Variants in LINGO2 observed in about 807,000 individuals in gnomAD.
The protein encoded by LINGO2 is leucine-rich repeat and immunoglobulin-like domain-containing nogo receptor-interacting protein 2.
In LINGO2, 14 loss-of-function variants were observed where a neutral mutation model predicts 30.6. The observed-to-expected ratio is 0.46, with a 90% CI of 0.30 to 0.72. LINGO2 has a LOEUF of 0.72. LINGO2 is among the 30% of genes least tolerant of loss of function. The pLI, the probability that LINGO2 is intolerant of heterozygous loss-of-function variation, is 0.07. For synonymous variants in LINGO2, 317 were observed against 288.5 expected (o/e 1.10, Z -1.00); for missense variants, 729 against 751.7 (o/e 0.97, Z 0.35).
At position 28,600,971 on chromosome 9, in the gene LINGO2, T is replaced by TA. The variant is rs548111814; in HGVS notation, c.-365+69228dup. ...AAGAGAAAAAAATTGAGAACAAAAA[T>TA]AAAAATTAATATGTTTTGCTCCAAA... On this transcript the variant is annotated intron_variant, in intron 1 of 5. Coordinates refer to ENST00000379992, the Ensembl canonical transcript of LINGO2. Among the ~76,000 whole-genome samples, 15 of 152,160 alleles carry TA rather than the reference T, an allele frequency of 9.9e-5. No individual in the cohort carries two copies. The South Asian group carries it at 2.5e-3, about 25-fold the overall frequency.
At chr9:28,858,079 C>A in the LINGO2 span, among the ~76,000 whole-genome samples, 4 of 152,000 alleles carry the variant, frequency 2.6e-5, no homozygotes, top group Non-Finnish European at 5.9e-5. Context: ...ACATTCAGGA[C>A]TGAGCTCCAG....
intron 1 of LINGO2, among the ~76,000 whole-genome samples, chr9:28,569,674 T>C (rs1823575264): frequency 6.6e-6 from 1 of 151,886 alleles, no homozygotes; most frequent in Non-Finnish European, 1.5e-5. Flanking sequence ...AACTTTCAGT[T>C]ACGAAATGAA....
chr9:29,189,397 G>T, the LINGO2 span, among the ~76,000 whole-genome samples: 1 of 148,874 alleles, frequency 6.7e-6, no homozygotes, highest in Admixed American at 6.7e-5. Flanking sequence ...CGGGCAGAGG[G>T]TCTCCTCACT....
the LINGO2 span, among the ~76,000 whole-genome samples, chr9:29,023,407 T>C: frequency 2.0e-5 from 3 of 152,116 alleles, no homozygotes; most frequent in Admixed American, 6.6e-5. Flanking sequence ...ATTTCAATAA[T>C]GAGTACCTGC....
At chr9:28,982,833 C>T in the LINGO2 span, among the ~76,000 whole-genome samples, 2 of 151,864 alleles carry the variant, frequency 1.3e-5, no homozygotes, top group African/African-American at 4.8e-5. Context: ...CTTGCAGATA[C>T]CACCAATAAT....
At chr9:28,896,744 T>C in the LINGO2 span, among the ~76,000 whole-genome samples, 1 of 152,152 alleles carries the variant, frequency 6.6e-6, no homozygotes, top group East Asian at 1.9e-4. Context: ...CTCATATGTA[T>C]TCATATGATA....
the LINGO2 span, among the ~76,000 whole-genome samples, chr9:28,833,376 T>C: frequency 2.0e-5 from 3 of 152,188 alleles, no homozygotes; most frequent in African/African-American, 7.2e-5. Flanking sequence ...GGACAGTCTA[T>C]AGAAAATCAT....
At chr9:28,238,887 C>T (rs1371613925) in intron 4 of LINGO2, among the ~76,000 whole-genome samples, 1 of 151,456 alleles carries the variant, frequency 6.6e-6, no homozygotes, top group African/African-American at 2.4e-5. Flanking sequence ...ATTAACAAAC[C>T]TTTAGCCAGA....
chr9:28,378,839 C>G (rs1821229679), intron 2 of LINGO2, among the ~76,000 whole-genome samples: 1 of 152,136 alleles, frequency 6.6e-6, no homozygotes, highest in Non-Finnish European at 1.5e-5. Context: ...GGCAAGAATG[C>G]ACCTCAGTTT....
chr9:28,285,439 T>C (rs1823473199), intron 4 of LINGO2, among the ~76,000 whole-genome samples: 1 of 117,688 alleles, frequency 8.5e-6, no homozygotes, highest in Non-Finnish European at 1.6e-5. Context: ...TGAGTCTCAC[T>C]CTGTCTCCCA....
At chr9:28,657,380 C>T (rs1034981259) in intron 1 of LINGO2, among the ~76,000 whole-genome samples, 2 of 151,902 alleles carry the variant, frequency 1.3e-5, no homozygotes, top group Admixed American at 1.3e-4. Context: ...CTACTCCGGG[C>T]TTTTTTATTT....
At chr9:28,489,433 G>A (rs78865916) in intron 1 of LINGO2, among the ~76,000 whole-genome samples, 32 of 152,114 alleles carry the variant, frequency 2.1e-4, no homozygotes, top group Non-Finnish European at 2.9e-5. Flanking sequence ...GCCTCTCGAA[G>A]CATTGGGATT....
chr9:28,995,385 G>A, the LINGO2 span, among the ~76,000 whole-genome samples: 2 of 152,218 alleles, frequency 1.3e-5, no homozygotes, highest in African/African-American at 4.8e-5. Flanking sequence ...TGCTGGAGAG[G>A]ATGTGGAGAA....
At position 28,633,822 on chromosome 9, in the gene LINGO2, T is replaced by C. The variant is rs150882739; in HGVS notation, c.-365+36378A>G. Among the ~76,000 whole-genome samples, 409 of 152,344 alleles carry C rather than the reference T, an allele frequency of 2.7e-3. 3 individuals carry two copies. Among genetic ancestry groups the C allele is most frequent in the South Asian group, 0.011 (55 of 4,834 alleles). ...CCAGGCAGCTGACAGCCCCAAAGCC[T>C]GGAACACAATGCGTAGTCAATGAAT... On this transcript the variant is annotated intron_variant, in intron 1 of 5. Transcript: ENST00000379992.
the LINGO2 span, chr9:28,888,772 G>A: frequency 2.1e-6 from 1 of 466,412 alleles, no homozygotes; most frequent in Non-Finnish European, 4.5e-6. Context: ...TTACTTCCTT[G>A]TTTAGAACTT....
At chr9:28,206,415 CT>C (rs1427473628) in intron 4 of LINGO2, among the ~76,000 whole-genome samples, 1 of 152,054 alleles carries the variant, frequency 6.6e-6, no homozygotes, top group Non-Finnish European at 1.5e-5. Context: ...AAATATAATA[CT>C]TTTAAACAGT....
the LINGO2 span, among the ~76,000 whole-genome samples, chr9:28,835,246 A>G: frequency 1.3e-5 from 2 of 152,212 alleles, no homozygotes; most frequent in Non-Finnish European, 2.9e-5. Context: ...GACCCAAAGC[A>G]AGAGGAATTT....
chr9:28,718,384 G>A, the LINGO2 span, among the ~76,000 whole-genome samples: 1 of 151,970 alleles, frequency 6.6e-6, no homozygotes, highest in South Asian at 2.1e-4. Context: ...TGAAATATAT[G>A]TATAATACAT....
intron 3 of LINGO2, among the ~76,000 whole-genome samples, chr9:28,362,662 G>A (rs992333830): frequency 2.6e-5 from 4 of 151,976 alleles, no homozygotes; most frequent in Non-Finnish European, 5.9e-5. Context: ...TAGAGACGGG[G>A]TTTCTCCACG....
Sources: allele counts gnomAD v4.1 joint callset (sites outside exome capture counted in the v4.1 genomes callset), GRCh38; gene constraint gnomAD v4.1.1; transcripts MANE v1.5; gene names NCBI Gene and HGNC (gene_info 2026-07-23, HGNC 2026-07-21).